KIRREL3: variants seen among roughly 807,000 people sequenced by gnomAD.
KIRREL3 encodes the protein kirre like nephrin family adhesion molecule 3.
A neutral mutation model predicts 89.7 loss-of-function variants in KIRREL3; 36 were observed. That is an observed-to-expected ratio of 0.40 (90% CI 0.31 to 0.53). KIRREL3 has a LOEUF of 0.53. KIRREL3 is among the 20% of genes least tolerant of loss of function. The pLI, the probability that KIRREL3 is intolerant of heterozygous loss-of-function variation, is 0.49. For missense variants in KIRREL3, 864 were observed against 1,056.6 expected (o/e 0.82, Z 2.53); for synonymous variants, 445 against 441.4 (o/e 1.01, Z -0.10).
At position 126,521,006 on chromosome 11, in the gene KIRREL3, A is replaced by G. The variant is rs529023467; in HGVS notation, c.433+309T>C. ...AGCCTAGCCTAGATAACGTGTGCAG[A>G]GCATGCTTTCTGATGGAATAAATAA... On this transcript the variant is annotated intron_variant, in intron 4 of 16. Coordinates refer to ENST00000525144, the MANE Select transcript of KIRREL3 (RefSeq NM_032531.4). The surrounding 1 kb of genome is among the most constrained non-coding windows in gnomAD (Gnocchi z 4.1). Among the ~76,000 whole-genome samples, 2 of 152,310 alleles carry G rather than the reference A, an allele frequency of 1.3e-5. No individual in the cohort carries two copies. The highest frequency in any genetic ancestry group is 4.1e-4 in the South Asian group (2 of 4,828).
At chr11:126,517,652 G>A (rs1000876438) in intron 4 of KIRREL3, among the ~76,000 whole-genome samples, 2 of 152,198 alleles carry the variant, frequency 1.3e-5, no homozygotes, top group African/African-American at 4.8e-5. Flanking sequence ...CTAAGCCTCG[G>A]TCACTGCGCC....
rs1331877331 is a variant in KIRREL3, at chr11:126,761,955, G to A, written c.56-199043C>T. On this transcript the variant is annotated intron_variant, in intron 1 of 16. Coordinates refer to ENST00000525144, the MANE Select transcript of KIRREL3 (RefSeq NM_032531.4). The surrounding 1 kb of genome is among the most constrained non-coding windows in gnomAD (Gnocchi z 4.4). Reference sequence around the variant, plus strand: ...ACACTTTGGGAGGCCGAGGGGGGCAGATCACCTGAGGTCAGGAGTTGAAGA... The same window carrying A: ...ACACTTTGGGAGGCCGAGGGGGGCAAATCACCTGAGGTCAGGAGTTGAAGA... Among the ~76,000 whole-genome samples the A allele has an allele frequency of 6.6e-6, 1 of 152,176 alleles. No individual in the cohort carries two copies. Among genetic ancestry groups the A allele is most frequent in the Non-Finnish European group, 1.5e-5 (1 of 68,034 alleles).
At position 126,969,859 on chromosome 11, in the gene KIRREL3, G is replaced by T. The variant is rs974287556; in HGVS notation, c.55+30596C>A. On this transcript the variant is annotated intron_variant, in intron 1 of 16. Transcript: ENST00000525144. This position sits in a 1 kb window ranked among gnomAD's most constrained non-coding sequence, Gnocchi z 4.9. ...TTCTCTTCTCCTTTCTCTCTACTCT[G>T]CATGGAAATGCAAAATGCTGGAGTC... 6.6e-6 allele frequency among the ~76,000 whole-genome samples: 1 copy of T among 152,144 alleles called. No homozygotes were observed. Among genetic ancestry groups the T allele is most frequent in the Non-Finnish European group, 1.5e-5 (1 of 68,034 alleles).
At chr11:126,602,742 C>T (rs535002882) in intron 1 of KIRREL3, among the ~76,000 whole-genome samples, 4 of 152,310 alleles carry the variant, frequency 2.6e-5, no homozygotes, top group African/African-American at 7.2e-5. Flanking sequence ...ACCTTGGCAC[C>T]ACGGCCTTGA....
chr11:126,515,190 G>T lies in KIRREL3; in HGVS notation c.433+6125C>A, dbSNP rs1341488687. Among the ~76,000 whole-genome samples the T allele has an allele frequency of 2.0e-5, 3 of 152,236 alleles. No individual in the cohort carries two copies. Among genetic ancestry groups the T allele is most frequent in the Non-Finnish European group, 4.4e-5 (3 of 68,040 alleles). On this transcript the variant is annotated intron_variant, in intron 4 of 16. Transcript: ENST00000525144. This position sits in a 1 kb window ranked among gnomAD's most constrained non-coding sequence, Gnocchi z 4.2. ...TAATCTCAGCATTTTAGGAGGCTGA[G>T]TTGGGTGGATCCCTTGAGCCCAGAA...
At chr11:126,934,468 A>T (rs1159688041) in intron 1 of KIRREL3, among the ~76,000 whole-genome samples, 1 of 152,198 alleles carries the variant, frequency 6.6e-6, no homozygotes, top group African/African-American at 2.4e-5. Context: ...AAAATTAAAA[A>T]TTTCTGCATT....
chr11:126,478,876 G>A (rs1957151546), intron 4 of KIRREL3, among the ~76,000 whole-genome samples: 1 of 152,114 alleles, frequency 6.6e-6, no homozygotes, highest in African/African-American at 2.4e-5. Context: ...GCCCTTCTGA[G>A]GCCAGCTGGG....
chr11:126,584,163 C>G (rs532937676), intron 1 of KIRREL3, among the ~76,000 whole-genome samples: 3 of 152,100 alleles, frequency 2.0e-5, no homozygotes, highest in Non-Finnish European at 4.4e-5. Flanking sequence ...CCAGGGCACC[C>G]GATGAATTCT....
rs977659635 is a variant in KIRREL3 at position 126,474,057 on chromosome 11, C to A, written c.434-591G>T. Among the ~76,000 whole-genome samples the A allele has an allele frequency of 6.6e-6, 1 of 151,200 alleles. No individual in the cohort carries two copies. The highest frequency in any genetic ancestry group is 2.4e-5 in the African/African-American group (1 of 41,026). The stretch of plus-strand genomic sequence containing the variant: ...GACCTCAGGTGATCTGCTTGCCTTG[C>A]CTCCCAAAGTGCTAGGATTACAGGC... On this transcript the variant is annotated intron_variant, in intron 4 of 16. Coordinates refer to ENST00000525144, the MANE Select transcript of KIRREL3 (RefSeq NM_032531.4). The surrounding 1 kb of genome is among the most constrained non-coding windows in gnomAD (Gnocchi z 6.7).
At chr11:126,911,709 C>T (rs1404187097) in intron 1 of KIRREL3, among the ~76,000 whole-genome samples, 4 of 152,134 alleles carry the variant, frequency 2.6e-5, no homozygotes, top group African/African-American at 9.7e-5. Context: ...GGCATCCGGG[C>T]ACGGTGGCTC....
At chr11:126,880,034 C>T (rs4937214) in intron 1 of KIRREL3, among the ~76,000 whole-genome samples, 91,624 of 152,086 alleles carry the variant, frequency 0.6, 28,814 homozygotes, top group African/African-American at 0.78. Flanking sequence ...AGCAATTTGG[C>T]TGCCCTACTT....
chr11:126,806,806 G>A (rs1010991357), intron 1 of KIRREL3, among the ~76,000 whole-genome samples: 10 of 152,008 alleles, frequency 6.6e-5, no homozygotes, highest in African/African-American at 2.4e-4. Context: ...CATGCATTAG[G>A]TATTTGTCCT....
chr11:126,532,485 C>G lies in KIRREL3; in HGVS notation c.134-5798G>C, dbSNP rs564226034. On this transcript the variant is annotated intron_variant, in intron 2 of 16. Transcript: ENST00000525144. ...CCCCCTCCTGGGTTCAAGGGATTCTCCTGCCTCTGCCTCCTGAGTAGCTGA... is the reference window on the plus strand; with the variant it reads ...CCCCCTCCTGGGTTCAAGGGATTCTGCTGCCTCTGCCTCCTGAGTAGCTGA... Among the ~76,000 whole-genome samples the G allele has an allele frequency of 1.6e-4, 25 of 152,290 alleles. 1 individual carries two copies. Among genetic ancestry groups the G allele is most frequent in the Admixed American group, 1.2e-3 (19 of 15,310 alleles).
At position 126,669,111 on chromosome 11, in the gene KIRREL3, C is replaced by A. The variant is rs969357336; in HGVS notation, c.56-106199G>T. Among the ~76,000 whole-genome samples the A allele has an allele frequency of 6.6e-6, 1 of 152,134 alleles. No homozygotes were observed. The highest frequency in any genetic ancestry group is 6.5e-5 in the Admixed American group (1 of 15,272). ...TAATCAAAGGATTTCTGGCTCCCAA[C>A]TTGTCTGCTCTTTGTTTTGTTTTTG... On this transcript the variant is annotated intron_variant, in intron 1 of 16. Coordinates refer to ENST00000525144, the MANE Select transcript of KIRREL3 (RefSeq NM_032531.4). The surrounding 1 kb of genome is among the most constrained non-coding windows in gnomAD (Gnocchi z 5.0).
chr11:126,901,518 T>A (rs1368715834), intron 1 of KIRREL3, among the ~76,000 whole-genome samples: 1 of 152,060 alleles, frequency 6.6e-6, no homozygotes, highest in Non-Finnish European at 1.5e-5. Context: ...CAGGAACAAT[T>A]CAGTGAGCAA....
At position 126,609,615 on chromosome 11, in the gene KIRREL3, C is replaced by T. The variant is rs549071917; in HGVS notation, c.56-46703G>A. On this transcript the variant is annotated intron_variant, in intron 1 of 16. Coordinates refer to ENST00000525144, the MANE Select transcript of KIRREL3 (RefSeq NM_032531.4). This position sits in a 1 kb window ranked among gnomAD's most constrained non-coding sequence, Gnocchi z 5.0. ...TCTGGGGGGACCTCCGATGCATGCT[C>T]ACTTGTATAAAATCTAACTGGAACT... Among the ~76,000 whole-genome samples, 4 of 152,170 alleles carry T rather than the reference C, an allele frequency of 2.6e-5. No individual in the cohort carries two copies. The highest frequency in any genetic ancestry group is 4.4e-5 in the Non-Finnish European group (3 of 68,042).
At chr11:126,801,573 C>T (rs1426794879) in intron 1 of KIRREL3, among the ~76,000 whole-genome samples, 2 of 152,280 alleles carry the variant, frequency 1.3e-5, no homozygotes, top group South Asian at 4.1e-4. Context: ...ATGGTTTGCA[C>T]GAGAGGCCCT....
rs928191665 is a variant in KIRREL3, at chr11:126,780,588, G to A, written c.56-217676C>T. Among the ~76,000 whole-genome samples the A allele has an allele frequency of 6.6e-6, 1 of 152,174 alleles. No homozygotes were observed. The highest frequency in any genetic ancestry group is 1.5e-5 in the Non-Finnish European group (1 of 68,032). Reference sequence around the variant, plus strand: ...GAGCAGCCTCTTGACAGAACATCAAGCTTGGGGGATGTCCCATGCAAAGGT... The same window carrying A: ...GAGCAGCCTCTTGACAGAACATCAAACTTGGGGGATGTCCCATGCAAAGGT... On this transcript the variant is annotated intron_variant, in intron 1 of 16. Coordinates refer to ENST00000525144, the MANE Select transcript of KIRREL3 (RefSeq NM_032531.4). This position sits in a 1 kb window ranked among gnomAD's most constrained non-coding sequence, Gnocchi z 5.3.
rs1374767366 is a variant in KIRREL3, at chr11:126,904,829, GAC to G, written c.55+95624_55+95625del. Among the ~76,000 whole-genome samples the G allele has an allele frequency of 6.6e-6, 1 of 152,132 alleles. No homozygotes were observed. The highest frequency in any genetic ancestry group is 6.5e-5 in the Admixed American group (1 of 15,284). The stretch of plus-strand genomic sequence containing the variant: ...GTAAGCATCAATGCTATTCCTCAGA[GAC>G]ATTAAGATCCCAGAGAAGAGAAACT... On this transcript the variant is annotated intron_variant, in intron 1 of 16. Coordinates refer to ENST00000525144, the MANE Select transcript of KIRREL3 (RefSeq NM_032531.4). The surrounding 1 kb of genome is among the most constrained non-coding windows in gnomAD (Gnocchi z 4.4).
Sources: allele counts gnomAD v4.1 joint callset (sites outside exome capture counted in the v4.1 genomes callset), GRCh38; gene constraint gnomAD v4.1.1; non-coding constraint Gnocchi (gnomAD v3.1); transcripts MANE v1.5; gene names NCBI Gene and HGNC (gene_info 2026-07-23, HGNC 2026-07-21).